The following SETD9 variants were observed in gnomAD, a reference collection of about 807,000 sequenced individuals.
SETD9 encodes the protein SET domain containing 9.
Under a neutral mutation model 36.4 loss-of-function variants are expected in SETD9, and 37 were observed. The ratio of observed to expected loss-of-function variants is 1.02; its 90% CI spans 0.78 to 1.34. The LOEUF (loss-of-function observed/expected upper bound fraction) is 1.34, where lower values mean the gene tolerates loss of function less well. SETD9 is among the 40% of genes most tolerant of loss of function. SETD9 has a pLI of 0.00. For missense variants in SETD9, 323 were observed against 353.2 expected (o/e 0.91, Z 0.69); for synonymous variants, 128 against 132.9 (o/e 0.96, Z 0.26).
intron 3 of SETD9, 68 bp downstream of exon 3, chr5:56,913,202 T>A: frequency 6.6e-7 from 1 of 1,514,358 alleles, no homozygotes; most frequent in Non-Finnish European, 9.0e-7. Flanking sequence ...TGATTATGAC[T>A]AATAGCATTT....
chr5:56,921,106 G>T (rs570858197), downstream of SETD9: 2 of 152,618 alleles, frequency 1.3e-5, no homozygotes, highest in East Asian at 3.9e-4. Flanking sequence ...ATATATTACT[G>T]CATCAGCTAC....
downstream of SETD9, chr5:56,917,371 A>G: frequency 2.1e-6 from 2 of 950,904 alleles, no homozygotes; most frequent in Non-Finnish European, 1.3e-6. Flanking sequence ...TGTATAATGT[A>G]AAGATTGCTC....
chr5:56,913,172 C>T (rs757383220), intron 3 of SETD9, 38 bp downstream of exon 3: 1 of 1,601,970 alleles, frequency 6.2e-7, no homozygotes, highest in South Asian at 1.1e-5. Flanking sequence ...TTATAGGAGA[C>T]AGAACCGCAC....
intron 5 of SETD9, chr5:56,923,662 T>C (rs764880297): frequency 6.2e-7 from 1 of 1,614,116 alleles, no homozygotes; most frequent in South Asian, 1.1e-5. Context: ...CAACAAACTG[T>C]ACTAAATGCA....
intron 5 of SETD9, chr5:56,923,217 C>G (rs554057814): frequency 3.7e-6 from 6 of 1,614,066 alleles, no homozygotes; most frequent in Non-Finnish European, 5.1e-6. Flanking sequence ...CCAAAGTCAG[C>G]CACAGAAACA....
chr5:56,913,687 A>G (rs1384017102), intron 3 of SETD9, among the ~76,000 whole-genome samples, 187 bp from the exon 4 acceptor site: 1 of 151,928 alleles, frequency 6.6e-6, no homozygotes, highest in Non-Finnish European at 1.5e-5. Flanking sequence ...CCTGGCCAGC[A>G]TTTATACTTT....
downstream of SETD9, among the ~76,000 whole-genome samples, chr5:56,927,170 T>C (rs1220307639): frequency 1.3e-5 from 2 of 152,106 alleles, no homozygotes; most frequent in Non-Finnish European, 2.9e-5. Flanking sequence ...TACTGGTGGA[T>C]ATGTATCATT....
chr5:56,920,940 AATTT>A (rs201344528), downstream of SETD9: 537 of 152,684 alleles, frequency 3.5e-3, 7 homozygotes, highest in African/African-American at 0.012. Context: ...AACTAGCTGG[AATTT>A]ATTTTTCTCT....
chr5:56,914,328 T>C (rs1749313624), intron 4 of SETD9, among the ~76,000 whole-genome samples: 1 of 152,216 alleles, frequency 6.6e-6, no homozygotes, highest in Non-Finnish European at 1.5e-5. Context: ...GCTAGACTAG[T>C]ATCTGCTTTC....
rs773576707 is a variant in SETD9 at position 56,923,190 on chromosome 5, C to T, written c.813-2143C>T. On this transcript the variant is annotated intron_variant, in intron 5 of 5. Coordinates refer to the SETD9 transcript ENST00000628593. ...TGGGCACTGATGAAACCATTGGTCT[C>T]GTTGGCAGAGAGACTGCCAAAGTCA... 9.3e-6 allele frequency: 15 copies of T among 1,613,992 alleles called. No homozygotes were observed. The highest frequency in any genetic ancestry group is 1.6e-4 in the Middle Eastern group (1 of 6,062).
At chr5:56,921,691 A>T (rs1749681469), downstream of SETD9, 1 of 152,664 alleles carries the variant, frequency 6.6e-6, no homozygotes, top group African/African-American at 2.4e-5. Flanking sequence ...GAAGCAACTT[A>T]TACTTACAAA....
At chr5:56,911,058 C>T in intron 1 of SETD9, 111 bp from the exon 2 acceptor site, 1 of 1,274,294 alleles carries the variant, frequency 7.8e-7, no homozygotes, top group Non-Finnish European at 1.1e-6. Context: ...GCCCTCCACA[C>T]ACATGAGAAT....
downstream of SETD9, among the ~76,000 whole-genome samples, chr5:56,927,251 T>A (rs1273698701): frequency 6.6e-6 from 1 of 152,146 alleles, no homozygotes; most frequent in Non-Finnish European, 1.5e-5. Context: ...GGACTTTAAT[T>A]AATAATAATG....
downstream of SETD9, among the ~76,000 whole-genome samples, chr5:56,925,930 A>G (rs867519953): frequency 1.3e-5 from 2 of 152,170 alleles, no homozygotes; most frequent in Admixed American, 6.5e-5. Flanking sequence ...GAGAGAGCCC[A>G]GAAATACACC....
intron 5 of SETD9, chr5:56,923,241 T>C (rs1749762647): frequency 1.2e-6 from 2 of 1,614,142 alleles, no homozygotes; most frequent in Non-Finnish European, 8.5e-7. Flanking sequence ...ATTTTGGCAC[T>C]GGTGATGTGA....
chr5:56,909,834 C>A, intron 1 of SETD9, 91 bp downstream of exon 1: 1 of 1,132,676 alleles, frequency 8.8e-7, no homozygotes, highest in Non-Finnish European at 1.2e-6. Flanking sequence ...GAGCCTGAGG[C>A]TGACTGCCGG....
chr5:56,910,621 A>C, intron 1 of SETD9: 1 of 293,578 alleles, frequency 3.4e-6, no homozygotes, highest in South Asian at 2.8e-5. Context: ...TGCAGTTAGT[A>C]CAAAAAGATA....
At chr5:56,923,523 A>T (rs1749786966) in intron 5 of SETD9, 2 of 1,614,072 alleles carry the variant, frequency 1.2e-6, no homozygotes, top group Non-Finnish European at 1.7e-6. Flanking sequence ...AGTGGAGGAA[A>T]GCTATCATCC....
At chr5:56,921,084 T>C (rs925439626), downstream of SETD9, 9 of 152,694 alleles carry the variant, frequency 5.9e-5, no homozygotes, top group African/African-American at 9.6e-5. Context: ...CAGCAATGCA[T>C]AGATAAACTG....
Sources: allele counts gnomAD v4.1 joint callset (sites outside exome capture counted in the v4.1 genomes callset), GRCh38; gene constraint gnomAD v4.1.1; transcripts MANE v1.5; gene names NCBI Gene and HGNC (gene_info 2026-07-23, HGNC 2026-07-21).